Variants in MAML3 observed in about 807,000 individuals in gnomAD.
MAML3 encodes the protein mastermind like transcriptional coactivator 3.
MAML3 carries 27 observed loss-of-function variants against 101.9 expected under a neutral mutation model. That is an observed-to-expected ratio of 0.27 (90% confidence interval 0.20 to 0.37). The LOEUF (loss-of-function observed/expected upper bound fraction) is 0.37, where lower values mean the gene tolerates loss of function less well. Among genes scored for constraint, MAML3 ranks in the 10% least tolerant of loss-of-function variants. The pLI is 1.00. For synonymous variants in MAML3, 501 were observed against 555.9 expected (o/e 0.90, Z 1.39); for missense variants, 1,316 against 1,444.9 (o/e 0.91, Z 1.45).
chr4:139,956,188 C>A (rs1421115302), intron 1 of MAML3, among the ~76,000 whole-genome samples: 1 of 152,156 alleles, frequency 6.6e-6, no homozygotes, highest in African/African-American at 2.4e-5. Flanking sequence ...TAATTTCTGG[C>A]ATGTCTACCA....
chr4:139,974,105 G>GTT (rs34721976), intron 1 of MAML3, among the ~76,000 whole-genome samples: 1 of 125,200 alleles, frequency 8.0e-6, no homozygotes, highest in African/African-American at 2.9e-5. Context: ...ACATTTAATA[G>GTT]TTTTTTTTTT....
chr4:139,766,513 A>C (rs1201055204), intron 2 of MAML3, among the ~76,000 whole-genome samples: 1 of 152,080 alleles, frequency 6.6e-6, no homozygotes, highest in East Asian at 1.9e-4. Flanking sequence ...AGGTAGTGTC[A>C]ATGAGGGGAA....
At position 140,142,457 on chromosome 4, in the gene MAML3, A is replaced by G. The variant is rs560970145; in HGVS notation, c.468+10403T>C. On this transcript the variant is annotated intron_variant, in intron 1 of 4. Transcript: ENST00000509479. ...GTCATAGAAATATAATAATGAATAG[A>G]CAAAGTCCCTGTCCCTCTCCAATGT... 2.6e-4 allele frequency among the ~76,000 whole-genome samples: 39 copies of G among 152,340 alleles called. 1 individual carries two copies. Among genetic ancestry groups the G allele is most frequent in the Admixed American group, 2.4e-3 (37 of 15,300 alleles).
intron 1 of MAML3, among the ~76,000 whole-genome samples, chr4:140,010,184 T>A (rs182812134): frequency 2.0e-5 from 3 of 152,230 alleles, no homozygotes; most frequent in Non-Finnish European, 4.4e-5. Context: ...AAAAAATTAA[T>A]GTGTACCACA....
At chr4:139,902,091 C>T (rs1732733701) in intron 1 of MAML3, among the ~76,000 whole-genome samples, 1 of 152,158 alleles carries the variant, frequency 6.6e-6, no homozygotes, top group Non-Finnish European at 1.5e-5. Context: ...CCTCGTGTTT[C>T]CCTCAAAGAG....
chr4:139,758,068 C>T (rs961964103), intron 2 of MAML3, among the ~76,000 whole-genome samples: 1 of 152,208 alleles, frequency 6.6e-6, no homozygotes, highest in Non-Finnish European at 1.5e-5. Flanking sequence ...ATTCACTCGC[C>T]TCTTGCAGTG....
intron 1 of MAML3, among the ~76,000 whole-genome samples, chr4:140,084,563 TTA>T (rs1219093534): frequency 6.6e-6 from 1 of 152,292 alleles, no homozygotes; most frequent in Admixed American, 6.5e-5. Flanking sequence ...ATCTGAGTAT[TTA>T]TGTCTCAGAT....
intron 1 of MAML3, among the ~76,000 whole-genome samples, chr4:139,976,231 C>A (rs773427752): frequency 1.2e-4 from 19 of 152,272 alleles, no homozygotes; most frequent in African/African-American, 4.6e-4. Flanking sequence ...AAAGACAGAT[C>A]CTGTTCTTCT....
At chr4:140,006,052 T>G (rs146361615) in intron 1 of MAML3, among the ~76,000 whole-genome samples, 1 of 152,214 alleles carries the variant, frequency 6.6e-6, no homozygotes, top group Non-Finnish European at 1.5e-5. Context: ...GGGGGTTCTA[T>G]AGTCATCTTT....
chr4:139,868,451 C>T (rs1731940425), intron 2 of MAML3, among the ~76,000 whole-genome samples: 1 of 152,110 alleles, frequency 6.6e-6, no homozygotes, highest in Admixed American at 6.6e-5. Context: ...AAGATCATAA[C>T]ATTGAAATTC....
intron 1 of MAML3, among the ~76,000 whole-genome samples, chr4:140,029,753 T>C (rs577958246): frequency 7.4e-4 from 113 of 152,350 alleles, no homozygotes; most frequent in Middle Eastern, 3.4e-3. Context: ...TTAGGAAATA[T>C]GTATATTTTT....
intron 1 of MAML3, among the ~76,000 whole-genome samples, chr4:140,022,743 C>T (rs999367784): frequency 7.2e-5 from 11 of 152,152 alleles, no homozygotes; most frequent in African/African-American, 2.7e-4. Flanking sequence ...CTCTTTTTCC[C>T]TCTGCCCACT....
rs2111072567 is a variant in MAML3 at position 140,153,236 on chromosome 4, A to C, written c.92T>G (p.Ile31Ser). ...ACTATTGGGAGTATTATTCACACCG[A>C]TCCCGGCCCCGCCGAGGCTGCTGTT... Reference protein sequence around the residue: ...SLNSSLGGAGIGVNNTPNSTP... With the variant: ...SLNSSLGGAGSGVNNTPNSTP... The change falls in exon 1 of 5, where the codon ATC (isoleucine) becomes AGC (serine). Residue 31 changes from isoleucine to serine, a missense_variant. Ile to Ser is a moderately radical substitution (Grantham distance 142). Coordinates refer to ENST00000509479, the MANE Select transcript of MAML3 (RefSeq NM_018717.5). The C allele has an allele frequency of 6.3e-7, 1 of 1,590,030 alleles. No homozygotes were observed. Among genetic ancestry groups the C allele is most frequent in the East Asian group, 2.3e-5 (1 of 43,908 alleles).
intron 1 of MAML3, among the ~76,000 whole-genome samples, chr4:139,995,871 G>A (rs941396770): frequency 6.6e-6 from 1 of 151,510 alleles, no homozygotes; most frequent in African/African-American, 2.4e-5. Flanking sequence ...TGCATATAGT[G>A]GAAGCTTAAG....
chr4:139,991,225 C>T (rs1734665762), intron 1 of MAML3, among the ~76,000 whole-genome samples: 1 of 152,142 alleles, frequency 6.6e-6, no homozygotes, highest in African/African-American at 2.4e-5. Context: ...TGGAACAGAA[C>T]AGAGCCCTCA....
At chr4:140,092,567 C>T (rs551615038) in intron 1 of MAML3, among the ~76,000 whole-genome samples, 1 of 152,284 alleles carries the variant, frequency 6.6e-6, no homozygotes, top group South Asian at 2.1e-4. Context: ...CTTAACTCCC[C>T]GCCGCACTGC....
chr4:140,120,211 T>G (rs1425045437), intron 1 of MAML3, among the ~76,000 whole-genome samples: 1 of 131,054 alleles, frequency 7.6e-6, no homozygotes, highest in East Asian at 2.2e-4. Context: ...CACTCCAGCC[T>G]GGGCGACAGA....
intron 1 of MAML3, among the ~76,000 whole-genome samples, chr4:139,973,366 T>A (rs1734263487): frequency 6.6e-6 from 1 of 152,236 alleles, no homozygotes; most frequent in South Asian, 2.1e-4. Context: ...TTCAGTCCAT[T>A]GTTTAGGTCA....
intron 1 of MAML3, among the ~76,000 whole-genome samples, chr4:139,947,919 T>C (rs1024400036): frequency 6.6e-5 from 10 of 151,902 alleles, no homozygotes; most frequent in Admixed American, 1.3e-4. Flanking sequence ...CTGACCAACA[T>C]GGAGAAACCC....
Sources: gnomAD v4.1 joint callset for allele counts (sites outside exome capture counted in the v4.1 genomes callset) on GRCh38, gnomAD v4.1.1 for gene constraint, MANE v1.5 for transcripts, NCBI Gene and HGNC (gene_info 2026-07-23, HGNC 2026-07-21) for gene names.